GRIK4: variants seen among roughly 807,000 people sequenced by gnomAD.
GRIK4 encodes glutamate receptor ionotropic, kainate 4.
In GRIK4, 40 loss-of-function variants were observed where a neutral mutation model predicts 104.9. That is an observed-to-expected ratio of 0.38 (90% CI 0.30 to 0.50). GRIK4 has a LOEUF of 0.50. Among genes scored for constraint, GRIK4 ranks in the 20% least tolerant of loss-of-function variants. The pLI, the probability that GRIK4 is intolerant of heterozygous loss-of-function variation, is 0.93. For missense variants in GRIK4, 1,047 were observed against 1,308.1 expected, an observed-to-expected ratio of 0.80 and a Z score of 3.08; for synonymous variants, 485 against 524.9, an observed-to-expected ratio of 0.92 and a Z score of 1.04.
chr11:120,579,096 G>A (rs2135089582), intron 1 of GRIK4, among the ~76,000 whole-genome samples: 1 of 152,292 alleles, frequency 6.6e-6, no homozygotes, highest in African/African-American at 2.4e-5. Flanking sequence ...CATTTATTGA[G>A]CATCCACTGT....
chr11:120,681,494 A>G lies in GRIK4; in HGVS notation c.82+21094A>G, dbSNP rs185971810. Among the ~76,000 whole-genome samples, 3 of 151,526 alleles carry G rather than the reference A, an allele frequency of 2.0e-5. 1 individual carries two copies. Among genetic ancestry groups the G allele is most frequent in the South Asian group, 4.2e-4 (2 of 4,792 alleles). ...TCTGCTGTTTTCCCTCCCTCTCTTCATTTTGCCCCGCTAAGTATTTACTCT... is the reference window on the plus strand; with the variant it reads ...TCTGCTGTTTTCCCTCCCTCTCTTCGTTTTGCCCCGCTAAGTATTTACTCT... On this transcript the variant is annotated intron_variant, in intron 3 of 20. Transcript: ENST00000527524.
intron 8 of GRIK4, among the ~76,000 whole-genome samples, chr11:120,855,086 T>C (rs1392960449): frequency 1.3e-5 from 2 of 152,198 alleles, no homozygotes; most frequent in African/African-American, 4.8e-5. Flanking sequence ...CTATTCTACC[T>C]TCCAGGAGTT....
intron 2 of GRIK4, among the ~76,000 whole-genome samples, chr11:120,655,236 G>A (rs1400038724): frequency 1.3e-5 from 2 of 151,740 alleles, no homozygotes; most frequent in East Asian, 3.9e-4. Flanking sequence ...GCCTCGAGGG[G>A]AGCTGATGAG....
intron 4 of GRIK4, among the ~76,000 whole-genome samples, chr11:120,806,252 G>C (rs561016177): frequency 6.6e-6 from 1 of 152,094 alleles, no homozygotes; most frequent in Non-Finnish European, 1.5e-5. Context: ...TACTTATGTG[G>C]CAGCACTGTC....
chr11:120,557,844 G>T (rs747379972), intron 1 of GRIK4, among the ~76,000 whole-genome samples: 4 of 151,830 alleles, frequency 2.6e-5, no homozygotes, highest in Non-Finnish European at 4.4e-5. Flanking sequence ...GTGAAACTCC[G>T]TCTCTACTAA....
intron 3 of GRIK4, among the ~76,000 whole-genome samples, chr11:120,681,382 A>C (rs1283598373): frequency 6.6e-6 from 1 of 152,140 alleles, no homozygotes; most frequent in Non-Finnish European, 1.5e-5. Context: ...GGTCCTGCCC[A>C]GCCTGGGATT....
chr11:120,544,718 C>T (rs747178017), intron 1 of GRIK4, among the ~76,000 whole-genome samples: 10 of 152,230 alleles, frequency 6.6e-5, no homozygotes, highest in South Asian at 2.1e-4. Context: ...TGAGTTACCA[C>T]GGGGACATGG....
chr11:120,527,866 C>T (rs921790140), intron 1 of GRIK4, among the ~76,000 whole-genome samples: 4 of 152,262 alleles, frequency 2.6e-5, no homozygotes, highest in Non-Finnish European at 5.9e-5. Flanking sequence ...CCAGCCTCAC[C>T]TCCTCTGGGA....
At chr11:120,534,520 C>T (rs999460496) in intron 1 of GRIK4, among the ~76,000 whole-genome samples, 1 of 151,982 alleles carries the variant, frequency 6.6e-6, no homozygotes, top group African/African-American at 2.4e-5. Flanking sequence ...CACGCTGGGG[C>T]CTGAGTCCAC....
At chr11:120,714,659 A>G (rs1053097801) in intron 3 of GRIK4, among the ~76,000 whole-genome samples, 3 of 152,238 alleles carry the variant, frequency 2.0e-5, no homozygotes, top group Non-Finnish European at 4.4e-5. Context: ...GGCTTCCTAG[A>G]GGAAATGACT....
At chr11:120,943,432 T>C (rs1185151123) in intron 14 of GRIK4, among the ~76,000 whole-genome samples, 3 of 152,158 alleles carry the variant, frequency 2.0e-5, no homozygotes, top group Non-Finnish European at 4.4e-5. Flanking sequence ...GAGATATGGT[T>C]AGAATAAGTC....
intron 3 of GRIK4, among the ~76,000 whole-genome samples, chr11:120,763,957 G>A: frequency 6.6e-6 from 1 of 152,162 alleles, no homozygotes; most frequent in East Asian, 1.9e-4. Context: ...GTGGCTGTTA[G>A]GTTCGCTTGG....
intron 9 of GRIK4, among the ~76,000 whole-genome samples, chr11:120,863,637 G>A (rs1204208677): frequency 6.6e-6 from 1 of 152,258 alleles, no homozygotes; most frequent in Non-Finnish European, 1.5e-5. Context: ...CACTCCTGGA[G>A]TGGGAAATTC....
intron 13 of GRIK4, among the ~76,000 whole-genome samples, chr11:120,926,910 A>G (rs1943358227): frequency 6.6e-6 from 1 of 152,196 alleles, no homozygotes; most frequent in Non-Finnish European, 1.5e-5. Flanking sequence ...AATGAGCCAG[A>G]GTGTCTCGAG....
chr11:120,543,531 C>T (rs561133534), intron 1 of GRIK4, among the ~76,000 whole-genome samples: 17 of 152,254 alleles, frequency 1.1e-4, no homozygotes, highest in Non-Finnish European at 2.2e-4. Flanking sequence ...GCTGAGATCA[C>T]GCCACTGCAC....
At chr11:120,635,046 T>C (rs1427177655) in intron 1 of GRIK4, among the ~76,000 whole-genome samples, 2 of 152,166 alleles carry the variant, frequency 1.3e-5, no homozygotes, top group African/African-American at 4.8e-5. Context: ...TTTCTTGCCT[T>C]CTTTCCGTTT....
At chr11:120,560,460 G>A (rs1378791776) in intron 1 of GRIK4, among the ~76,000 whole-genome samples, 2 of 152,170 alleles carry the variant, frequency 1.3e-5, no homozygotes, top group South Asian at 2.1e-4. Context: ...CAGTGTCCCC[G>A]TTGAATTCAT....
intron 3 of GRIK4, among the ~76,000 whole-genome samples, chr11:120,760,723 G>T (rs945823302): frequency 6.6e-6 from 1 of 152,076 alleles, no homozygotes; most frequent in African/African-American, 2.4e-5. Flanking sequence ...GTGTTAGTTT[G>T]CTGAGAATAA....
intron 1 of GRIK4, among the ~76,000 whole-genome samples, chr11:120,573,533 C>T (rs1249102747): frequency 6.6e-6 from 1 of 152,102 alleles, no homozygotes; most frequent in South Asian, 2.1e-4. Context: ...CCTTGGAGGT[C>T]CAGCTCAAAT....
Sources: allele counts gnomAD v4.1 joint callset (sites outside exome capture counted in the v4.1 genomes callset), GRCh38; gene constraint gnomAD v4.1.1; transcripts MANE v1.5; gene names NCBI Gene and HGNC (gene_info 2026-07-23, HGNC 2026-07-21).